Variants in OCA2 observed in about 807,000 individuals in gnomAD.
OCA2 encodes OCA2 melanosomal transmembrane protein, also known as P protein.
Under a neutral mutation model 100.2 loss-of-function variants are expected in OCA2, and 77 were observed. The observed-to-expected ratio is 0.77, with a 90% CI of 0.64 to 0.93. The LOEUF is 0.93. Among genes scored for constraint, OCA2 ranks in the 40% least tolerant of loss-of-function variants. OCA2 has a pLI of 0.00. For synonymous variants in OCA2, 432 were observed against 439.2 expected (o/e 0.98, Z 0.21); for missense variants, 1,062 against 1,089.1 (o/e 0.98, Z 0.35).
intron 23 of OCA2, among the ~76,000 whole-genome samples, chr15:27,793,915 T>C (rs992351160): frequency 6.6e-6 from 1 of 152,154 alleles, no homozygotes; most frequent in Non-Finnish European, 1.5e-5. Flanking sequence ...AGATGACACA[T>C]GGCCACAGCT....
intron 7 of OCA2, among the ~76,000 whole-genome samples, chr15:28,017,814 G>A (rs976394427): frequency 6.6e-6 from 1 of 151,978 alleles, no homozygotes; most frequent in Admixed American, 6.6e-5. Flanking sequence ...TGGAGTCTCC[G>A]AGGCCAGGGC....
intron 1 of OCA2, among the ~76,000 whole-genome samples, chr15:28,091,652 A>T (rs1003490802): frequency 5.3e-5 from 8 of 152,186 alleles, no homozygotes; most frequent in African/African-American, 1.9e-4. Context: ...TAGTCATAAT[A>T]CCCTAAAAGT....
intron 19 of OCA2, among the ~76,000 whole-genome samples, chr15:27,901,909 G>T (rs2037952621): frequency 6.6e-6 from 1 of 152,186 alleles, no homozygotes; most frequent in Non-Finnish European, 1.5e-5. Context: ...AGCGAGTTGT[G>T]CCCAAGGAGC....
intron 18 of OCA2, among the ~76,000 whole-genome samples, chr15:27,950,942 A>G (rs2040005133): frequency 6.6e-6 from 1 of 152,212 alleles, no homozygotes; most frequent in Admixed American, 6.5e-5. Flanking sequence ...TTTTGAAGGA[A>G]AACTATGGGT....
intron 14 of OCA2, among the ~76,000 whole-genome samples, chr15:27,977,411 G>A (rs1380768953): frequency 6.6e-6 from 1 of 152,110 alleles, no homozygotes; most frequent in Non-Finnish European, 1.5e-5. Flanking sequence ...TAGCACACGT[G>A]GAGCTGGAAT....
intron 15 of OCA2, among the ~76,000 whole-genome samples, chr15:27,962,062 T>C (rs541057714): frequency 3.7e-4 from 57 of 152,360 alleles, no homozygotes; most frequent in African/African-American, 1.3e-3. Flanking sequence ...AGATGACTGA[T>C]ATTTATCTAG....
chr15:27,843,154 G>T (rs369011876), intron 23 of OCA2, among the ~76,000 whole-genome samples: 10 of 152,184 alleles, frequency 6.6e-5, no homozygotes, highest in African/African-American at 1.9e-4. Flanking sequence ...CCTATGGGTT[G>T]CCAGAGAGTA....
intron 23 of OCA2, among the ~76,000 whole-genome samples, chr15:27,778,836 G>C (rs1047651569): frequency 2.0e-5 from 3 of 152,202 alleles, no homozygotes; most frequent in African/African-American, 7.2e-5. Flanking sequence ...TTATAAATTA[G>C]GCTCCTTGCA....
chr15:27,850,616 A>G (rs1021671369), intron 22 of OCA2, among the ~76,000 whole-genome samples: 5 of 152,200 alleles, frequency 3.3e-5, no homozygotes, highest in South Asian at 2.1e-4. Context: ...ACTGAATGAC[A>G]TTAATCCCCC....
At chr15:28,001,836 G>A (rs932815616) in intron 9 of OCA2, among the ~76,000 whole-genome samples, 1 of 152,230 alleles carries the variant, frequency 6.6e-6, no homozygotes, top group Non-Finnish European at 1.5e-5. Flanking sequence ...CCTGACAAAT[G>A]CCCAGCCGGG....
chr15:27,902,281 C>T (rs1199796470), intron 19 of OCA2, among the ~76,000 whole-genome samples: 1 of 150,548 alleles, frequency 6.6e-6, no homozygotes, highest in Non-Finnish European at 1.5e-5. Flanking sequence ...GAAATGCTTT[C>T]TTTTTATGAA....
chr15:27,999,405 A>C (rs956385699), intron 9 of OCA2, among the ~76,000 whole-genome samples: 5 of 152,212 alleles, frequency 3.3e-5, no homozygotes, highest in Non-Finnish European at 7.3e-5. Context: ...CATTTGAGAA[A>C]ATTCAACATC....
Position 27,985,695 on chromosome 15 carries a change from A to ATTT in OCA2, c.1240-510_1240-508dup, listed in dbSNP as rs397958352. On this transcript the variant is annotated intron_variant, in intron 12 of 23. Transcript: ENST00000354638. ...AGTTTGCAAAGGGCTTTGTTGAGTA[A>ATTT]TTTTTTTTTTTTTTTGAGACAGAGT... Among the ~76,000 whole-genome samples the ATTT allele has an allele frequency of 8.8e-3, 1,284 of 145,382 alleles. 23 individuals carry two copies. The highest frequency in any genetic ancestry group is 0.03 in the African/African-American group (1,208 of 39,690).
intron 2 of OCA2, 67 bp downstream of exon 2, chr15:28,081,581 A>G (rs1339509564): frequency 1.4e-6 from 2 of 1,467,826 alleles, no homozygotes; most frequent in African/African-American, 2.8e-5. Flanking sequence ...ACGTGGGGGA[A>G]CGATGCTCAT....
intron 1 of OCA2, among the ~76,000 whole-genome samples, chr15:28,083,224 C>T (rs2044708141): frequency 6.6e-6 from 1 of 152,230 alleles, no homozygotes; most frequent in South Asian, 2.1e-4. Context: ...AAGTACAAGA[C>T]GTGTGATGGC....
At chr15:27,838,382 G>A (rs930006560) in intron 23 of OCA2, among the ~76,000 whole-genome samples, 3 of 152,148 alleles carry the variant, frequency 2.0e-5, no homozygotes, top group Admixed American at 1.3e-4. Context: ...GCAAACAGGA[G>A]GCCAAAAACA....
intron 21 of OCA2, among the ~76,000 whole-genome samples, chr15:27,861,485 G>A (rs1245407064): frequency 1.3e-5 from 2 of 152,102 alleles, no homozygotes; most frequent in Non-Finnish European, 2.9e-5. Flanking sequence ...GGAGGTCAGA[G>A]CTGATTCCAG....
chr15:27,983,714 C>A (rs1235619437), intron 13 of OCA2, among the ~76,000 whole-genome samples: 1 of 152,074 alleles, frequency 6.6e-6, no homozygotes, highest in Non-Finnish European at 1.5e-5. Flanking sequence ...AGCCACCAAA[C>A]CCTCGGTGTG....
chr15:27,802,484 A>G (rs966257755), intron 23 of OCA2, among the ~76,000 whole-genome samples: 4 of 152,154 alleles, frequency 2.6e-5, no homozygotes, highest in African/African-American at 9.7e-5. Flanking sequence ...CAGGGACCCC[A>G]GAATAGCCAA....
Sources: gnomAD v4.1 joint callset for allele counts (sites outside exome capture counted in the v4.1 genomes callset) on GRCh38, gnomAD v4.1.1 for gene constraint, MANE v1.5 for transcripts, NCBI Gene and HGNC (gene_info 2026-07-23, HGNC 2026-07-21) for gene names.